Variants in ULK4 observed in about 807,000 individuals in gnomAD.
ULK4 encodes the protein inactive serine/threonine-protein kinase ULK4.
In ULK4, 133 loss-of-function variants were observed where a neutral mutation model predicts 160.6. That is an observed-to-expected ratio of 0.83 (90% CI 0.72 to 0.96). The LOEUF (loss-of-function observed/expected upper bound fraction) is 0.96, where lower values mean the gene tolerates loss of function less well. Ranked by LOEUF, ULK4 falls within the 40% of genes least tolerant of loss-of-function variation. The pLI, the probability that ULK4 is intolerant of heterozygous loss-of-function variation, is 0.00. For synonymous variants in ULK4, 534 were observed against 539.8 expected (o/e 0.99, Z 0.15); for missense variants, 1,580 against 1,499.5 (o/e 1.05, Z -0.89).
At chr3:41,336,415 A>G (rs2080556711) in intron 35 of ULK4, among the ~76,000 whole-genome samples, 1 of 152,190 alleles carries the variant, frequency 6.6e-6, no homozygotes, top group African/African-American at 2.4e-5. Context: ...CAAATTAGGG[A>G]AGAAAAAGTG....
At chr3:41,368,533 C>T (rs1041956177) in intron 35 of ULK4, among the ~76,000 whole-genome samples, 3 of 152,180 alleles carry the variant, frequency 2.0e-5, no homozygotes, top group Non-Finnish European at 4.4e-5. Context: ...ATTCCCCTCT[C>T]TCTATAGCCT....
intron 32 of ULK4, among the ~76,000 whole-genome samples, chr3:41,561,597 T>C (rs2087572391): frequency 6.6e-6 from 1 of 152,210 alleles, no homozygotes; most frequent in Non-Finnish European, 1.5e-5. Context: ...TGGAAGGGTG[T>C]AGATGTCCAG....
chr3:41,246,617 C>A lies in ULK4; in HGVS notation c.*312G>T. On this transcript the variant is annotated 3_prime_UTR_variant, in exon 37 of 37. Coordinates refer to ENST00000301831, the MANE Select transcript of ULK4 (RefSeq NM_017886.4). ...TGAGGACTGTGCTTTGCATCCACTG[C>A]TTTATTACCACAGGCAGTGCTAACC... 3.4e-6 allele frequency: 1 copy of A among 296,182 alleles called. No individual in the cohort carries two copies. The highest frequency in any genetic ancestry group is 4.5e-5 in the Admixed American group (1 of 22,460). 18.3% of individuals were successfully genotyped at this position (296,182 alleles called of 1,614,324 possible).
At chr3:41,543,630 TATTC>T (rs2086765233) in intron 32 of ULK4, among the ~76,000 whole-genome samples, 2 of 152,216 alleles carry the variant, frequency 1.3e-5, no homozygotes, top group African/African-American at 4.8e-5. Context: ...TTCTATTTCT[TATTC>T]AGTCAGTTTT....
At chr3:41,484,747 C>T (rs561574384) in intron 32 of ULK4, among the ~76,000 whole-genome samples, 1 of 152,100 alleles carries the variant, frequency 6.6e-6, no homozygotes, top group Non-Finnish European at 1.5e-5. Flanking sequence ...CCACCGCGCC[C>T]GGCCCGAGTG....
rs2078652527 is a variant in ULK4 at position 41,246,853 on chromosome 3, G to T, written c.*76C>A. 9 of 1,534,334 alleles carry T rather than the reference G, an allele frequency of 5.9e-6. 1 individual carries two copies. The highest frequency in any genetic ancestry group is 4.2e-4 in the Middle Eastern group (2 of 4,706). ...ACAGCTGTGAGGGGATGTGGCAAAGGTGTCTGGGAGCTGACCTTGCTTATG... is the reference window on the plus strand; with the variant it reads ...ACAGCTGTGAGGGGATGTGGCAAAGTTGTCTGGGAGCTGACCTTGCTTATG... On this transcript the variant is annotated 3_prime_UTR_variant, in exon 37 of 37. Transcript: ENST00000301831.
At chr3:41,678,177 TACACACACACACACACACACACACACAC>T (rs752843326) in intron 29 of ULK4, among the ~76,000 whole-genome samples, 2 of 123,056 alleles carry the variant, frequency 1.6e-5, no homozygotes, top group Non-Finnish European at 1.7e-5. Context: ...CTTTATTTCA[TACACACACACACACACACACACACACAC>T]ACACACACAC....
chr3:41,424,529 T>C (rs1312357776), intron 34 of ULK4, among the ~76,000 whole-genome samples: 1 of 152,100 alleles, frequency 6.6e-6, no homozygotes, highest in Non-Finnish European at 1.5e-5. Flanking sequence ...TGGCATTAGG[T>C]TGGTGCACCT....
In ULK4 at chr3:41,278,081, C is replaced by T. The variant is rs561409352; in HGVS notation, c.3679-28507G>A. The T allele has an allele frequency of 2.0e-5, 3 of 152,424 alleles. No individual in the cohort carries two copies. In the East Asian group the frequency reaches 5.8e-4, roughly 29 times the overall value. 9.4% of individuals were successfully genotyped at this position (152,424 alleles called of 1,614,324 possible). A position where few individuals can be genotyped will look rare whatever the true frequency, so the allele number is the denominator to read the frequency against. On this transcript the variant is annotated intron_variant, in intron 35 of 36. Coordinates refer to ENST00000301831, the MANE Select transcript of ULK4 (RefSeq NM_017886.4). ...GTCTGTACCTGAAAAAAACGGGACACTCCTGCCCAAACACTGCACTTTTCC... is the reference window on the plus strand; with the variant it reads ...GTCTGTACCTGAAAAAAACGGGACATTCCTGCCCAAACACTGCACTTTTCC...
At chr3:41,440,629 TC>T (rs1356273382) in intron 34 of ULK4, among the ~76,000 whole-genome samples, 1 of 152,110 alleles carries the variant, frequency 6.6e-6, no homozygotes, top group East Asian at 1.9e-4. Context: ...TCTTGTACCA[TC>T]TTTGGTTTCT....
At position 41,879,322 on chromosome 3, in the gene ULK4, C is replaced by A. The variant is rs535004480; in HGVS notation, c.1656+4552G>T. On this transcript the variant is annotated intron_variant, in intron 17 of 36. Coordinates refer to ENST00000301831, the MANE Select transcript of ULK4 (RefSeq NM_017886.4). The stretch of plus-strand genomic sequence containing the variant: ...AAGATATTTACTAGTAAAATGATAT[C>A]ATTTTATTTAAAATACTCCAGCAAG... Among the ~76,000 whole-genome samples the A allele has an allele frequency of 3.5e-3, 539 of 151,944 alleles. 4 individuals are homozygous for A. The highest frequency in any genetic ancestry group is 6.4e-3 in the Non-Finnish European group (434 of 67,984).
chr3:41,811,624 T>C (rs1024505355), intron 19 of ULK4, among the ~76,000 whole-genome samples: 1 of 152,244 alleles, frequency 6.6e-6, no homozygotes, highest in African/African-American at 2.4e-5. Flanking sequence ...TTGTTCATTA[T>C]TCACGGAATA....
chr3:41,772,194 C>G (rs1449040567), intron 21 of ULK4, among the ~76,000 whole-genome samples: 3 of 152,032 alleles, frequency 2.0e-5, no homozygotes, highest in African/African-American at 7.2e-5. Flanking sequence ...CAAAAGCTAG[C>G]AGAAAGCAAG....
At chr3:41,557,707 A>T (rs2087350594) in intron 32 of ULK4, among the ~76,000 whole-genome samples, 1 of 151,948 alleles carries the variant, frequency 6.6e-6, no homozygotes, top group African/African-American at 2.4e-5. Flanking sequence ...CAAAACTGCA[A>T]TAAGCTCTGA....
chr3:41,658,718 T>C (rs2035030000), intron 30 of ULK4, among the ~76,000 whole-genome samples: 1 of 94,662 alleles, frequency 1.1e-5, no homozygotes, highest in East Asian at 2.4e-4. Context: ...ACTGTGTATG[T>C]GAAAAACAGT....
rs572404028 is a variant in ULK4, at chr3:41,800,661, C to T, written c.1849-368G>A. 5.9e-5 allele frequency among the ~76,000 whole-genome samples: 9 copies of T among 152,188 alleles called. 1 individual carries two copies. In the South Asian group the frequency reaches 1.5e-3, roughly 25 times the overall value. On this transcript the variant is annotated intron_variant, in intron 19 of 36. Coordinates refer to ENST00000301831, the MANE Select transcript of ULK4 (RefSeq NM_017886.4). ...ACTGGAAGATAATTTTAAAATCATA[C>T]GGAGCAGGCAGAATAATCCTCAGAA...
intron 22 of ULK4, among the ~76,000 whole-genome samples, chr3:41,729,546 C>T (rs1209317480): frequency 6.6e-6 from 1 of 152,222 alleles, no homozygotes; most frequent in African/African-American, 2.4e-5. Context: ...ACTCAACAGT[C>T]CTGCAGCCCC....
intron 32 of ULK4, among the ~76,000 whole-genome samples, chr3:41,529,709 T>C (rs1446732313): frequency 6.6e-6 from 1 of 152,194 alleles, no homozygotes; most frequent in African/African-American, 2.4e-5. Context: ...GTCAGGCTGG[T>C]CTCGAACTCC....
chr3:41,863,769 C>T (rs1358331916), intron 17 of ULK4, among the ~76,000 whole-genome samples: 4 of 151,792 alleles, frequency 2.6e-5, no homozygotes, highest in Admixed American at 6.6e-5. Flanking sequence ...ACAGGGGCCC[C>T]GTGACTTTAA....
Sources: gnomAD v4.1 joint callset for allele counts (sites outside exome capture counted in the v4.1 genomes callset) on GRCh38, gnomAD v4.1.1 for gene constraint, MANE v1.5 for transcripts, NCBI Gene and HGNC (gene_info 2026-07-23, HGNC 2026-07-21) for gene names.